Variants in DAPK2 observed in about 807,000 individuals in gnomAD.
DAPK2 encodes death associated protein kinase 2, also known as death-associated protein kinase 2.
DAPK2 carries 35 observed loss-of-function variants against 44.1 expected under a neutral mutation model. The ratio of observed to expected loss-of-function variants is 0.79; its 90% CI spans 0.61 to 1.05. DAPK2 has a LOEUF of 1.05. DAPK2 is among the 50% of genes least tolerant of loss of function. The probability of loss-of-function intolerance (pLI) is 0.00; values close to 1 mark genes in which losing one functional copy is unlikely to be tolerated. For missense variants in DAPK2, 453 were observed against 483.2 expected (o/e 0.94, Z 0.59); for synonymous variants, 174 against 182.6 (o/e 0.95, Z 0.38).
intron 1 of DAPK2, among the ~76,000 whole-genome samples, chr15:64,005,088 G>T (rs1313713068): frequency 6.6e-6 from 1 of 152,142 alleles, no homozygotes; most frequent in African/African-American, 2.4e-5. Flanking sequence ...TCCACCTGCT[G>T]TTGTGCTCTG....
chr15:64,016,186 C>T (rs1373193928), intron 1 of DAPK2, among the ~76,000 whole-genome samples: 1 of 152,232 alleles, frequency 6.6e-6, no homozygotes, highest in Non-Finnish European at 1.5e-5. Flanking sequence ...GCAGGACACA[C>T]GGCCTCTTAC....
chr15:63,995,415 A>T (rs1411943499), intron 1 of DAPK2, among the ~76,000 whole-genome samples: 1 of 152,202 alleles, frequency 6.6e-6, no homozygotes, highest in Non-Finnish European at 1.5e-5. Flanking sequence ...ATTTTCTTAT[A>T]GGCCAGAGTG....
At chr15:63,947,011 T>C (rs2077466036) in intron 3 of DAPK2, among the ~76,000 whole-genome samples, 1 of 152,128 alleles carries the variant, frequency 6.6e-6, no homozygotes, top group African/African-American at 2.4e-5. Flanking sequence ...AAGTCTTCAG[T>C]GTGGCCCATG....
rs1315783262 is a variant in DAPK2 at position 63,939,794 on chromosome 15, C to T, written c.454-433G>A. The stretch of plus-strand genomic sequence containing the variant: ...CATCCCAGCTTAGCCTCTGTTTATA[C>T]TTGGCTTACTGACCTTGGTCTTCCT... On this transcript the variant is annotated intron_variant, in intron 3 of 10. Coordinates refer to ENST00000261891, the Ensembl canonical transcript of DAPK2. The surrounding 1 kb of genome is among the most constrained non-coding windows in gnomAD (Gnocchi z 4.3). Among the ~76,000 whole-genome samples, 2 of 152,206 alleles carry T rather than the reference C, an allele frequency of 1.3e-5. No individual in the cohort carries two copies. Among genetic ancestry groups the T allele is most frequent in the Non-Finnish European group, 2.9e-5 (2 of 68,042 alleles).
At chr15:64,001,358 C>G (rs2079080834) in intron 1 of DAPK2, among the ~76,000 whole-genome samples, 1 of 152,154 alleles carries the variant, frequency 6.6e-6, no homozygotes, top group Non-Finnish European at 1.5e-5. Context: ...GAACAGTTAC[C>G]GTATGTGATG....
chr15:63,986,660 C>T (rs2140882282), intron 1 of DAPK2, among the ~76,000 whole-genome samples: 1 of 152,274 alleles, frequency 6.6e-6, no homozygotes, highest in South Asian at 2.1e-4. Flanking sequence ...GTGAAAATAG[C>T]TCTATTCCGA....
At position 63,973,745 on chromosome 15, in the gene DAPK2, G is replaced by A. The variant is rs532147690; in HGVS notation, c.315-2184C>T. On this transcript the variant is annotated intron_variant, in intron 2 of 10. Coordinates refer to ENST00000261891, the Ensembl canonical transcript of DAPK2. ...ATTTGAAAAGGACATTAATTGGGGT[G>A]GGGGGCAGAGACAGAATGCCAGAGT... is the stretch of plus-strand genomic sequence containing the variant. 3.6e-4 allele frequency among the ~76,000 whole-genome samples: 55 copies of A among 152,196 alleles called. 1 individual carries two copies. Among genetic ancestry groups the A allele is most frequent in the African/African-American group, 1.2e-3 (48 of 41,446 alleles).
chr15:64,007,417 T>A (rs945554319), intron 1 of DAPK2, among the ~76,000 whole-genome samples: 1 of 152,052 alleles, frequency 6.6e-6, no homozygotes, highest in African/African-American at 2.4e-5. Flanking sequence ...ATCTGTCCCC[T>A]GCTCACATTT....
intron 4 of DAPK2, chr15:63,935,796 CCT>C (rs1372109581): frequency 6.6e-6 from 1 of 151,944 alleles, no homozygotes; most frequent in Non-Finnish European, 1.5e-5. Context: ...TTTTGCTTAT[CCT>C]CTCTTTCATA....
At chr15:63,984,996 T>C (rs1386734807) in intron 1 of DAPK2, among the ~76,000 whole-genome samples, 1 of 152,230 alleles carries the variant, frequency 6.6e-6, no homozygotes, top group African/African-American at 2.4e-5. Flanking sequence ...TAGCATTCTA[T>C]GGCAGCCACT....
At chr15:63,944,741 C>T (rs1428979427) in intron 3 of DAPK2, among the ~76,000 whole-genome samples, 3 of 152,202 alleles carry the variant, frequency 2.0e-5, no homozygotes, top group Non-Finnish European at 4.4e-5. Context: ...CTCCCCAACA[C>T]ATCACTGAAT....
chr15:64,030,499 G>A (rs1416983207), intron 1 of DAPK2, among the ~76,000 whole-genome samples: 1 of 152,080 alleles, frequency 6.6e-6, no homozygotes, highest in Non-Finnish European at 1.5e-5. Flanking sequence ...GCTGCAGGAT[G>A]GAATCCCACC....
chr15:63,926,380 C>A (rs1014165845), intron 6 of DAPK2, among the ~76,000 whole-genome samples: 3 of 151,922 alleles, frequency 2.0e-5, no homozygotes, highest in African/African-American at 7.3e-5. Context: ...TGATCCCCAG[C>A]AAGACAAGCA....
intron 1 of DAPK2, among the ~76,000 whole-genome samples, chr15:64,024,385 G>A (rs924542658): frequency 6.6e-6 from 1 of 152,190 alleles, no homozygotes; most frequent in Admixed American, 6.5e-5. Context: ...GAAAGCCTGG[G>A]TTGGGGAACA....
At chr15:64,033,302 A>T (rs2080080006) in intron 1 of DAPK2, among the ~76,000 whole-genome samples, 1 of 137,232 alleles carries the variant, frequency 7.3e-6, no homozygotes, top group African/African-American at 2.6e-5. Flanking sequence ...GGAAGGAAGG[A>T]AGGAAGGAAG....
intron 1 of DAPK2, among the ~76,000 whole-genome samples, chr15:63,995,067 GT>G: frequency 6.6e-6 from 1 of 152,174 alleles, no homozygotes; most frequent in South Asian, 2.1e-4. Context: ...GTAAACCATG[GT>G]TTTTAAAGCA....
chr15:63,911,808 G>A, intron 10 of DAPK2, 100 bp downstream of exon 11: 1 of 1,212,362 alleles, frequency 8.2e-7, no homozygotes, highest in Middle Eastern at 1.9e-4. Flanking sequence ...TGGAAACAGT[G>A]AACACCCACC....
intron 4 of DAPK2, among the ~76,000 whole-genome samples, chr15:63,936,271 G>C (rs183582391): frequency 6.6e-6 from 1 of 152,142 alleles, no homozygotes; most frequent in Admixed American, 6.6e-5. Context: ...TCAGCTTTTG[G>C]GGGTGGGACA....
At chr15:64,009,667 C>CA (rs1289544749) in intron 1 of DAPK2, among the ~76,000 whole-genome samples, 1 of 152,128 alleles carries the variant, frequency 6.6e-6, no homozygotes, top group East Asian at 1.9e-4. Flanking sequence ...TGCCACCCCC[C>CA]AGGAATCCTC....
Sources: allele counts gnomAD v4.1 joint callset (sites outside exome capture counted in the v4.1 genomes callset), GRCh38; gene constraint gnomAD v4.1.1; non-coding constraint Gnocchi (gnomAD v3.1); transcripts MANE v1.5; gene names NCBI Gene and HGNC (gene_info 2026-07-23, HGNC 2026-07-21).